The following LY86 variants were observed in gnomAD, a reference collection of about 807,000 sequenced individuals.
LY86 encodes the protein lymphocyte antigen 86.
In LY86, 20 loss-of-function variants were observed where a neutral mutation model predicts 17.3. The ratio of observed to expected loss-of-function variants is 1.15; its 90% CI spans 0.81 to 1.68. The LOEUF (loss-of-function observed/expected upper bound fraction) is 1.68. Among genes scored for constraint, LY86 ranks in the 40% most tolerant of loss-of-function variants. The pLI is 0.00. For missense variants in LY86, 200 were observed against 191.9 expected (o/e 1.04, Z -0.25); for synonymous variants, 74 against 70.6 (o/e 1.05, Z -0.24).
At chr6:6,596,845 A>C (rs1444983802) in intron 1 of LY86, among the ~76,000 whole-genome samples, 1 of 152,216 alleles carries the variant, frequency 6.6e-6, no homozygotes, top group South Asian at 2.1e-4. Context: ...TAATTCTCCA[A>C]AGTACTTTTT....
chr6:6,645,474 A>T (rs1056618094), intron 3 of LY86, among the ~76,000 whole-genome samples: 3 of 152,070 alleles, frequency 2.0e-5, no homozygotes, highest in African/African-American at 4.8e-5. Context: ...ATTGCCCAAC[A>T]TCACTTAGCT....
chr6:6,626,259 A>G (rs1441913985), intron 2 of LY86, 34 bp from the exon 3 acceptor site: 2 of 1,610,534 alleles, frequency 1.2e-6, no homozygotes, highest in Admixed American at 3.4e-5. Flanking sequence ...TGAAACACGC[A>G]GTAAGAGTAA....
At chr6:6,614,857 C>T (rs1307568320) in intron 1 of LY86, among the ~76,000 whole-genome samples, 1 of 152,102 alleles carries the variant, frequency 6.6e-6, no homozygotes, top group African/African-American at 2.4e-5. Flanking sequence ...TCCAACTCCT[C>T]AGGACTGAGG....
chr6:6,625,175 T>A (rs935589705), intron 2 of LY86, among the ~76,000 whole-genome samples, 163 bp downstream of exon 2: 6 of 152,210 alleles, frequency 3.9e-5, no homozygotes, highest in Admixed American at 3.9e-4. Context: ...AATCTTTCTC[T>A]GGGTTATATT....
intron 4 of LY86, among the ~76,000 whole-genome samples, chr6:6,653,411 G>A (rs368581493): frequency 1.3e-5 from 2 of 152,098 alleles, no homozygotes; most frequent in African/African-American, 4.8e-5. Flanking sequence ...CTCCGCTTGC[G>A]ACCCTCCAAC....
chr6:6,604,455 G>T (rs1000127731), intron 1 of LY86, among the ~76,000 whole-genome samples: 1 of 152,008 alleles, frequency 6.6e-6, no homozygotes, highest in Non-Finnish European at 1.5e-5. Flanking sequence ...AAAAAATAAT[G>T]GTTATGTTAA....
At chr6:6,599,218 A>G (rs1224858699) in intron 1 of LY86, among the ~76,000 whole-genome samples, 2 of 152,216 alleles carry the variant, frequency 1.3e-5, no homozygotes, top group Non-Finnish European at 2.9e-5. Context: ...CATCTTTGTT[A>G]TCACCTAGAC....
At chr6:6,599,725 TAAAG>T (rs1243883876) in intron 1 of LY86, among the ~76,000 whole-genome samples, 5 of 152,166 alleles carry the variant, frequency 3.3e-5, no homozygotes, top group African/African-American at 4.8e-5. Flanking sequence ...TCAGGCAAGA[TAAAG>T]AGCCTCAGGG....
At chr6:6,612,801 G>A (rs746502799) in intron 1 of LY86, among the ~76,000 whole-genome samples, 1 of 152,234 alleles carries the variant, frequency 6.6e-6, no homozygotes, top group Non-Finnish European at 1.5e-5. Context: ...CCCTGAGCTA[G>A]ACACAGAGTG....
At position 6,588,843 on chromosome 6, in the gene LY86, G is replaced by A. The variant is rs530215928; in HGVS notation, c.109G>A (p.Gly37Ser). The A allele has an allele frequency of 5.6e-5, 90 of 1,614,110 alleles. No homozygotes were observed. In the East Asian group the frequency reaches 1.4e-3, roughly 24 times the overall value. The change falls in exon 1 of 5, where the codon GGC becomes AGC. Residue 37 changes from glycine (G) to serine (S), a missense_variant. By Grantham distance (56) the Gly-to-Ser change is moderately conservative (BLOSUM62 0). Coordinates refer to ENST00000230568, the MANE Select transcript of LY86 (RefSeq NM_004271.4). ...WPTHVVCSDSGLEVLYQSCDP... is the reference protein window; with the variant it reads ...WPTHVVCSDSSLEVLYQSCDP... ...CACACACGTGGTCTGTAGCGACAGC[G>A]GCTTGGAAGTGCTCTACCAGAGTTG...
At chr6:6,642,928 G>A (rs73718621) in intron 3 of LY86, among the ~76,000 whole-genome samples, 7,015 of 152,174 alleles carry the variant, frequency 0.046, 458 homozygotes, top group East Asian at 0.21. Context: ...CTTCCTCTTC[G>A]TCCTCTGGCC....
In LY86 at chr6:6,598,989, GACC is replaced by G. The variant is rs1362634661; in HGVS notation, c.136+10122_136+10124del. Among the ~76,000 whole-genome samples the G allele has an allele frequency of 2.0e-5, 3 of 152,250 alleles. No homozygotes were observed. In the East Asian group the frequency reaches 5.8e-4, roughly 29 times the overall value. On this transcript the variant is annotated intron_variant, in intron 1 of 4. Transcript: ENST00000230568. ...GATATTCTGCCTAATTTGTATATGG[GACC>G]ACTTGAGCTGATCAGTCCTTCTGTT...
At chr6:6,609,323 T>C (rs1761274461) in intron 1 of LY86, among the ~76,000 whole-genome samples, 1 of 152,210 alleles carries the variant, frequency 6.6e-6, no homozygotes, top group Non-Finnish European at 1.5e-5. Context: ...AAATGGCGAA[T>C]TGGCTTTGGG....
intron 4 of LY86, among the ~76,000 whole-genome samples, chr6:6,650,951 C>G (rs1762178879): frequency 6.6e-6 from 1 of 152,172 alleles, no homozygotes. Flanking sequence ...TTAGCTCCCA[C>G]AGATAATTGA....
intron 1 of LY86, among the ~76,000 whole-genome samples, chr6:6,590,477 G>C (rs552229467): frequency 1.3e-4 from 20 of 152,198 alleles, no homozygotes; most frequent in African/African-American, 4.6e-4. Flanking sequence ...TTGGCTGAGA[G>C]TAACCGAAAC....
At chr6:6,608,785 A>G (rs1361583521) in intron 1 of LY86, among the ~76,000 whole-genome samples, 1 of 152,250 alleles carries the variant, frequency 6.6e-6, no homozygotes, top group Non-Finnish European at 1.5e-5. Context: ...GTGAAGCAGA[A>G]GAAACTCACA....
chr6:6,609,220 C>T (rs930517439), intron 1 of LY86, among the ~76,000 whole-genome samples: 2 of 152,190 alleles, frequency 1.3e-5, no homozygotes, highest in Non-Finnish European at 2.9e-5. Context: ...GAAACACCTC[C>T]CTCCTTCCTG....
chr6:6,607,792 C>T (rs529186685), intron 1 of LY86, among the ~76,000 whole-genome samples: 51 of 151,832 alleles, frequency 3.4e-4, no homozygotes, highest in African/African-American at 1.1e-3. Flanking sequence ...CCCAGCTACT[C>T]GGGAGGTTGA....
At chr6:6,623,199 C>T (rs926699447) in intron 1 of LY86, among the ~76,000 whole-genome samples, 40 of 152,002 alleles carry the variant, frequency 2.6e-4, no homozygotes, top group African/African-American at 8.7e-4. Flanking sequence ...AAGAAAGGAC[C>T]CCTGAAGGCT....
Sources: allele counts gnomAD v4.1 joint callset (sites outside exome capture counted in the v4.1 genomes callset), GRCh38; gene constraint gnomAD v4.1.1; transcripts MANE v1.5; gene names NCBI Gene and HGNC (gene_info 2026-07-23, HGNC 2026-07-21).